ATG4C: variants seen among roughly 807,000 people sequenced by gnomAD.
The protein encoded by ATG4C is autophagy related 4C cysteine peptidase, also known as cysteine protease ATG4C.
A neutral mutation model predicts 57.6 loss-of-function variants in ATG4C; 56 were observed. That is an observed-to-expected ratio of 0.97 (90% confidence interval 0.78 to 1.21). ATG4C has a LOEUF of 1.21. Ranked by LOEUF, ATG4C falls within the 50% of genes most tolerant of loss-of-function variation. The pLI, the probability that ATG4C is intolerant of heterozygous loss-of-function variation, is 0.00. For synonymous variants in ATG4C, 157 were observed against 174.1 expected (o/e 0.90, Z 0.78); for missense variants, 595 against 529.8 (o/e 1.12, Z -1.21).
rs200477633 is a variant in ATG4C at position 62,816,557 on chromosome 1, C to A, written c.161-18C>A. On this transcript the variant is annotated intron_variant, in intron 3 of 10. Transcript: ENST00000317868. Reference sequence around the variant, plus strand: ...GACATTTCTCTGGTTATCTTTAGACCGTATGTTTATTTTTTAGATGAAGAT... The same window carrying A: ...GACATTTCTCTGGTTATCTTTAGACAGTATGTTTATTTTTTAGATGAAGAT... 2 of 1,558,570 alleles carry A rather than the reference C, an allele frequency of 1.3e-6. No individual in the cohort carries two copies. The highest frequency in any genetic ancestry group is 2.4e-5 in the South Asian group (2 of 83,830).
intron 10 of ATG4C, among the ~76,000 whole-genome samples, chr1:62,850,792 T>C (rs1666480702): frequency 6.8e-6 from 1 of 147,920 alleles, no homozygotes; most frequent in Non-Finnish European, 1.5e-5. Flanking sequence ...CCTTAGCACA[T>C]ATCACTATAC....
intron 1 of ATG4C, among the ~76,000 whole-genome samples, chr1:62,794,948 A>C: frequency 6.6e-6 from 1 of 152,212 alleles, no homozygotes; most frequent in Non-Finnish European, 1.5e-5. Flanking sequence ...GCAGGTAGAA[A>C]AGGTTACATA....
intron 10 of ATG4C, among the ~76,000 whole-genome samples, chr1:62,845,802 A>G (rs1250558959): frequency 1.3e-5 from 2 of 152,116 alleles, no homozygotes; most frequent in Admixed American, 6.5e-5. Flanking sequence ...CCCGGGTTCA[A>G]GCAATTCTCC....
intron 1 of ATG4C, among the ~76,000 whole-genome samples, chr1:62,795,719 C>G (rs573939556): frequency 1.3e-5 from 2 of 151,970 alleles, no homozygotes; most frequent in South Asian, 4.2e-4. Context: ...GTCCCAGCTA[C>G]TTGGAAGGCT....
chr1:62,823,505 T>C (rs1182032279), intron 6 of ATG4C, among the ~76,000 whole-genome samples: 5 of 152,216 alleles, frequency 3.3e-5, no homozygotes, highest in African/African-American at 9.7e-5. Flanking sequence ...GTTTGGACTT[T>C]AGCTTGATTT....
At chr1:62,847,636 T>C (rs1007062345) in intron 10 of ATG4C, among the ~76,000 whole-genome samples, 4 of 152,112 alleles carry the variant, frequency 2.6e-5, no homozygotes, top group African/African-American at 9.7e-5. Context: ...TTTCTAATCA[T>C]AATGGACCTA....
At chr1:62,798,716 C>T (rs1664555037) in intron 1 of ATG4C, among the ~76,000 whole-genome samples, 1 of 151,934 alleles carries the variant, frequency 6.6e-6, no homozygotes, top group Non-Finnish European at 1.5e-5. Flanking sequence ...ACAGTCTTGG[C>T]TCACTGCAAG....
At chr1:62,802,990 A>T (rs573421160) in intron 1 of ATG4C, among the ~76,000 whole-genome samples, 1 of 152,210 alleles carries the variant, frequency 6.6e-6, no homozygotes, top group Non-Finnish European at 1.5e-5. Context: ...TTGAAAAGTA[A>T]ACTGTGAATT....
At chr1:62,808,377 T>A (rs184366833) in intron 3 of ATG4C, among the ~76,000 whole-genome samples, 2 of 152,174 alleles carry the variant, frequency 1.3e-5, no homozygotes, top group East Asian at 3.9e-4. Context: ...AAAGGTAATT[T>A]AAATTCGGGT....
At chr1:62,861,303 T>G (rs1055214751) in intron 10 of ATG4C, among the ~76,000 whole-genome samples, 3 of 152,110 alleles carry the variant, frequency 2.0e-5, no homozygotes. Flanking sequence ...CCCAACACTT[T>G]GGGAGGCAGA....
At chr1:62,806,391 A>G (rs1664879917) in intron 3 of ATG4C, among the ~76,000 whole-genome samples, 3 of 152,138 alleles carry the variant, frequency 2.0e-5, no homozygotes, top group Admixed American at 6.5e-5. Context: ...GGACAACCAC[A>G]GCAATACGTA....
intron 10 of ATG4C, among the ~76,000 whole-genome samples, chr1:62,847,317 A>G (rs954831761): frequency 2.0e-5 from 3 of 152,206 alleles, no homozygotes; most frequent in Admixed American, 6.5e-5. Flanking sequence ...ATTTTGTTGA[A>G]TGTCTGTCTG....
At chr1:62,787,081 G>A (rs1321065935) in intron 1 of ATG4C, among the ~76,000 whole-genome samples, 1 of 152,176 alleles carries the variant, frequency 6.6e-6, no homozygotes, top group African/African-American at 2.4e-5. Context: ...ACCCTTCACC[G>A]AGGTAGAGAA....
intron 10 of ATG4C, among the ~76,000 whole-genome samples, chr1:62,858,478 A>G (rs1666751942): frequency 6.6e-6 from 1 of 152,200 alleles, no homozygotes; most frequent in Non-Finnish European, 1.5e-5. Flanking sequence ...AATTGTTGAG[A>G]CAGATAGTAG....
chr1:62,834,844 C>T lies in ATG4C; in HGVS notation c.1081C>T (p.Pro361Ser). Residue 361 changes from proline (P) to serine (S), a missense_variant, in exon 9 of 11, where the codon CCT becomes TCT. Coordinates refer to ENST00000317868, the MANE Select transcript of ATG4C (RefSeq NM_032852.4). ...SFVDVSIKDF[P>S]LETFHCPSPK... ...TGTAGATGTCAGCATAAAGGATTTC[C>T]CTCTTGAGGTACTGTGGATAAAAAG... is the stretch of plus-strand genomic sequence containing the variant. 6.2e-7 allele frequency: 1 copy of T among 1,611,226 alleles called. No individual in the cohort carries two copies. The highest frequency in any genetic ancestry group is 1.1e-5 in the South Asian group (1 of 90,954).
At chr1:62,808,154 A>G (rs1316388934) in intron 3 of ATG4C, among the ~76,000 whole-genome samples, 1 of 152,238 alleles carries the variant, frequency 6.6e-6, no homozygotes, top group East Asian at 1.9e-4. Flanking sequence ...GAAAGTCAGT[A>G]GACAGGACAT....
At chr1:62,857,094 C>T (rs1666707102) in intron 10 of ATG4C, among the ~76,000 whole-genome samples, 1 of 152,114 alleles carries the variant, frequency 6.6e-6, no homozygotes, top group Non-Finnish European at 1.5e-5. Flanking sequence ...TTATGTCTGG[C>T]TCCTTATTGT....
intron 5 of ATG4C, among the ~76,000 whole-genome samples, chr1:62,820,771 T>A (rs910750635): frequency 6.6e-6 from 1 of 152,080 alleles, no homozygotes; most frequent in Non-Finnish European, 1.5e-5. Context: ...AGTAATTGAC[T>A]CCTAGTCAGT....
chr1:62,799,310 ATTAT>A (rs1269801213), intron 1 of ATG4C, among the ~76,000 whole-genome samples: 3 of 152,244 alleles, frequency 2.0e-5, no homozygotes, highest in Non-Finnish European at 4.4e-5. Context: ...ACTATGCTGA[ATTAT>A]TTATTAAACT....
Sources: gnomAD v4.1 joint callset for allele counts (sites outside exome capture counted in the v4.1 genomes callset) on GRCh38, gnomAD v4.1.1 for gene constraint, MANE v1.5 for transcripts, NCBI Gene and HGNC (gene_info 2026-07-23, HGNC 2026-07-21) for gene names.